ARHGAP24: variants seen among roughly 807,000 people sequenced by gnomAD.
The protein encoded by ARHGAP24 is Rho GTPase activating protein 24.
Under a neutral mutation model 76.4 loss-of-function variants are expected in ARHGAP24, and 50 were observed. That is an observed-to-expected ratio of 0.65 (90% CI 0.52 to 0.83). The LOEUF (loss-of-function observed/expected upper bound fraction) is 0.83, where lower values mean the gene tolerates loss of function less well. ARHGAP24 is among the 40% of genes least tolerant of loss of function. The pLI is 0.00. For missense variants in ARHGAP24, 930 were observed against 914.2 expected (o/e 1.02, Z -0.22); for synonymous variants, 345 against 323.3 (o/e 1.07, Z -0.72).
intron 2 of ARHGAP24, among the ~76,000 whole-genome samples, chr4:85,600,561 G>T (rs12506524): frequency 0.94 from 142,930 of 152,240 alleles, 67,176 homozygotes; most frequent in African/African-American, 0.98. Flanking sequence ...GGAATAAAGT[G>T]TGTATTAATG....
chr4:85,565,432 C>T (rs148930651), intron 1 of ARHGAP24, among the ~76,000 whole-genome samples: 17 of 152,318 alleles, frequency 1.1e-4, no homozygotes, highest in African/African-American at 4.1e-4. Context: ...GGACAGATCA[C>T]TGTTTCTTTG....
chr4:85,884,128 A>G (rs975923614), intron 3 of ARHGAP24, among the ~76,000 whole-genome samples: 1 of 152,208 alleles, frequency 6.6e-6, no homozygotes. Flanking sequence ...TGCCCATTTC[A>G]TTAAATTAAC....
At chr4:85,682,742 A>G (rs1160400843) in intron 2 of ARHGAP24, among the ~76,000 whole-genome samples, 1 of 152,148 alleles carries the variant, frequency 6.6e-6, no homozygotes, top group Non-Finnish European at 1.5e-5. Context: ...CTTGACAGAC[A>G]CTCAGAAGCA....
At chr4:85,939,806 G>C (rs2148823694) in intron 4 of ARHGAP24, among the ~76,000 whole-genome samples, 1 of 152,008 alleles carries the variant, frequency 6.6e-6, no homozygotes, top group East Asian at 1.9e-4. Context: ...TAGCACACAT[G>C]GTCATTGAAT....
intron 2 of ARHGAP24, 155 bp downstream of exon 2, chr4:85,570,876 G>T: frequency 1.2e-6 from 1 of 832,380 alleles, no homozygotes; most frequent in Non-Finnish European, 1.8e-6. Flanking sequence ...CTTGCTTTGA[G>T]TTGGAGATAA....
intron 3 of ARHGAP24, among the ~76,000 whole-genome samples, chr4:85,768,537 G>A (rs2110077343): frequency 6.6e-6 from 1 of 152,278 alleles, no homozygotes; most frequent in East Asian, 1.9e-4. Context: ...AGGAGTTCAA[G>A]GCCAGCCTGA....
intron 1 of ARHGAP24, among the ~76,000 whole-genome samples, chr4:85,526,707 T>TATTCTGA (rs1725015622): frequency 2.0e-5 from 3 of 152,106 alleles, no homozygotes; most frequent in Non-Finnish European, 4.4e-5. Flanking sequence ...TTGCTTTAGT[T>TATTCTGA]AGCCACTGAA....
rs17011016 is a variant in ARHGAP24 at position 85,828,153 on chromosome 4, T to C, written c.269-95495T>C. Among the ~76,000 whole-genome samples, 13,896 of 152,226 alleles carry C rather than the reference T, an allele frequency of 0.091. 1,000 individuals carry two copies. The highest frequency in any genetic ancestry group is 0.29 in the East Asian group (1,517 of 5,166). On this transcript the variant is annotated intron_variant, in intron 3 of 9. Transcript: ENST00000395184. Reference sequence around the variant, plus strand: ...CATTCAGCTCTCCACGGTGTCTACATTGTGGCAACAGATTGGACATAGTGC... The same window carrying C: ...CATTCAGCTCTCCACGGTGTCTACACTGTGGCAACAGATTGGACATAGTGC...
chr4:85,946,075 G>A (rs1013374828), intron 5 of ARHGAP24, among the ~76,000 whole-genome samples: 1 of 152,136 alleles, frequency 6.6e-6, no homozygotes, highest in East Asian at 1.9e-4. Context: ...AGCTTATGCA[G>A]GGAAAACTCT....
chr4:85,622,977 A>C (rs1720779638), intron 2 of ARHGAP24, among the ~76,000 whole-genome samples: 1 of 151,654 alleles, frequency 6.6e-6, no homozygotes, highest in African/African-American at 2.4e-5. Context: ...GTTTGAGTTC[A>C]TTGTAGATTC....
chr4:85,974,974 C>G lies in ARHGAP24; in HGVS notation c.806+13C>G, dbSNP rs778554780. 1.9e-6 allele frequency: 3 copies of G among 1,609,854 alleles called. No homozygotes were observed. The highest frequency in any genetic ancestry group is 3.3e-5 in the Admixed American group (2 of 59,982). ...AGTATATTTGCAGGTAAGAACTGTCCTAAGGACAAACGTAAACAAGACAAG... is the reference window on the plus strand; with the variant it reads ...AGTATATTTGCAGGTAAGAACTGTCGTAAGGACAAACGTAAACAAGACAAG... On this transcript the variant is annotated intron_variant, in intron 7 of 9. Coordinates refer to ENST00000395184, the MANE Select transcript of ARHGAP24 (RefSeq NM_001025616.3).
intron 2 of ARHGAP24, among the ~76,000 whole-genome samples, chr4:85,629,317 G>A (rs544787338): frequency 3.2e-4 from 48 of 152,220 alleles, no homozygotes; most frequent in Middle Eastern, 3.4e-3. Context: ...GTATCCATTA[G>A]CAAATTACTG....
At chr4:85,490,029 G>A (rs1416993751) in intron 1 of ARHGAP24, among the ~76,000 whole-genome samples, 1 of 152,138 alleles carries the variant, frequency 6.6e-6, no homozygotes, top group Non-Finnish European at 1.5e-5. Flanking sequence ...TTTATGAGCT[G>A]TATTATTAAT....
chr4:85,744,724 A>G (rs1368607165), intron 3 of ARHGAP24, among the ~76,000 whole-genome samples: 1 of 152,238 alleles, frequency 6.6e-6, no homozygotes, highest in East Asian at 1.9e-4. Context: ...ACAACTTGTA[A>G]CAAAAGAGAC....
Position 85,983,151 on chromosome 4 carries a change from A to G in ARHGAP24, c.928+5460A>G, listed in dbSNP as rs1739777225. Among the ~76,000 whole-genome samples the G allele has an allele frequency of 2.0e-5, 3 of 152,302 alleles. No homozygotes were observed. The South Asian group carries it at 6.2e-4, about 32-fold the overall frequency. ...AAGTATTCCGTGATGTATATGTACCATATTTTCTTTATCCAGTCTATCATT... is the reference window on the plus strand; with the variant it reads ...AAGTATTCCGTGATGTATATGTACCGTATTTTCTTTATCCAGTCTATCATT... On this transcript the variant is annotated intron_variant, in intron 8 of 9. Transcript: ENST00000395184.
In ARHGAP24 at chr4:85,986,675, G is replaced by T. The variant is rs139101966; in HGVS notation, c.929-7908G>T. Among the ~76,000 whole-genome samples, 59 of 152,226 alleles carry T rather than the reference G, an allele frequency of 3.9e-4. 1 individual carries two copies. The highest frequency in any genetic ancestry group is 1.4e-3 in the African/African-American group (59 of 41,556). On this transcript the variant is annotated intron_variant, in intron 8 of 9. Transcript: ENST00000395184. ...AGACATAGAGCGTCCAGAAATCTAC[G>T]GAGAGTAGATGAGAACTGATTTATG...
At chr4:85,934,814 C>T (rs114760476) in intron 4 of ARHGAP24, among the ~76,000 whole-genome samples, 247 of 152,312 alleles carry the variant, frequency 1.6e-3, no homozygotes, top group African/African-American at 4.5e-3. Context: ...CTCGCCCAGC[C>T]GACAGCTCTT....
intron 2 of ARHGAP24, among the ~76,000 whole-genome samples, chr4:85,598,430 A>C (rs988114742): frequency 6.6e-6 from 1 of 152,070 alleles, no homozygotes; most frequent in African/African-American, 2.4e-5. Flanking sequence ...ACAAAGGCTC[A>C]AATGGGTAAA....
intron 3 of ARHGAP24, among the ~76,000 whole-genome samples, chr4:85,835,281 G>C (rs932859190): frequency 6.6e-6 from 1 of 151,804 alleles, no homozygotes; most frequent in Non-Finnish European, 1.5e-5. Flanking sequence ...ACTTTGGGCC[G>C]GGCGCGGTGG....
Sources: gnomAD v4.1 joint callset for allele counts (sites outside exome capture counted in the v4.1 genomes callset) on GRCh38, gnomAD v4.1.1 for gene constraint, MANE v1.5 for transcripts, NCBI Gene and HGNC (gene_info 2026-07-23, HGNC 2026-07-21) for gene names.